ZNF518A: variants seen among roughly 807,000 people sequenced by gnomAD.
The protein encoded by ZNF518A is zinc finger protein 518.
A neutral mutation model predicts 102.7 loss-of-function variants in ZNF518A; 47 were observed. The observed-to-expected ratio is 0.46, with a 90% CI of 0.36 to 0.58. The LOEUF is 0.58. Ranked by LOEUF, ZNF518A falls within the 20% of genes least tolerant of loss-of-function variation. The pLI, the probability that ZNF518A is intolerant of heterozygous loss-of-function variation, is 0.00. For synonymous variants in ZNF518A, 652 were observed against 594.6 expected (o/e 1.10, Z -1.40); for missense variants, 1,793 against 1,699.8 (o/e 1.05, Z -0.96).
chr10:96,163,646 G>A lies in ZNF518A; in HGVS notation c.*2872G>A, dbSNP rs917253448. ...ATAAAGGGTCAGATAAATAAGCTTC[G>A]TAGGCCTTCTAGTTTCTGTCCTAAC... On this transcript the variant is annotated 3_prime_UTR_variant, in exon 6 of 6. Transcript: ENST00000316045. 1 of 166,744 alleles carries A rather than the reference G, an allele frequency of 6.0e-6. No individual in the cohort carries two copies. Among genetic ancestry groups the A allele is most frequent in the Non-Finnish European group, 1.5e-5 (1 of 68,052 alleles). 10.3% of individuals were successfully genotyped at this position (166,744 alleles called of 1,614,324 possible).
intron 1 of ZNF518A, among the ~76,000 whole-genome samples, chr10:96,169,870 A>G (rs11188644): frequency 9.9e-5 from 15 of 152,186 alleles, no homozygotes; most frequent in Non-Finnish European, 2.2e-4. Flanking sequence ...CTGATTTTGT[A>G]ATGCTTGTAT....
At chr10:96,176,609 A>C (rs1210932390) in intron 1 of ZNF518A, among the ~76,000 whole-genome samples, 1 of 152,216 alleles carries the variant, frequency 6.6e-6, no homozygotes, top group East Asian at 1.9e-4. Context: ...ACAAAAAAAC[A>C]AAACAAGGGT....
intron 1 of ZNF518A, among the ~76,000 whole-genome samples, chr10:96,179,668 C>G (rs2083226694): frequency 6.6e-6 from 1 of 152,132 alleles, no homozygotes; most frequent in African/African-American, 2.4e-5. Context: ...ACACAAAACC[C>G]TAACATACAT....
intron 1 of ZNF518A, among the ~76,000 whole-genome samples, chr10:96,202,205 A>C (rs1554896396): frequency 6.6e-6 from 1 of 152,188 alleles, no homozygotes; most frequent in African/African-American, 2.4e-5. Context: ...AGCTGTAATG[A>C]ACATGATAAG....
Position 96,148,353 on chromosome 10 carries a change from T to C in ZNF518A, c.-301-6973T>C, listed in dbSNP as rs186504941. 1.3e-3 allele frequency among the ~76,000 whole-genome samples: 204 copies of C among 152,208 alleles called. 1 individual carries two copies. The highest frequency in any genetic ancestry group is 6.8e-3 in the Middle Eastern group (2 of 294). Reference sequence around the variant, plus strand: ...TACTAGGGAGGCTGAGGCAGGAGAATCGCTTGAACCTGGGAGGTGGAGGTT... The same window carrying C: ...TACTAGGGAGGCTGAGGCAGGAGAACCGCTTGAACCTGGGAGGTGGAGGTT... On this transcript the variant is annotated intron_variant, in intron 3 of 5. Coordinates refer to ENST00000316045, the MANE Select transcript of ZNF518A (RefSeq NM_001330736.2).
At chr10:96,189,786 C>T in intron 1 of ZNF518A, 1 of 892,050 alleles carries the variant, frequency 1.1e-6, no homozygotes, top group South Asian at 1.3e-5. Context: ...CTACCACCTC[C>T]AGGGACAGAT....
Position 96,161,381 on chromosome 10 carries a change from T to G in ZNF518A, c.*607T>G, listed in dbSNP as rs182767617. On this transcript the variant is annotated 3_prime_UTR_variant, in exon 6 of 6. Coordinates refer to ENST00000316045, the MANE Select transcript of ZNF518A (RefSeq NM_001330736.2). Reference sequence around the variant, plus strand: ...TTTGGCAAGTAAATTTTTTTTCCAGTTGAACTCTGTCACTTGTTAGAGATT... The same window carrying G: ...TTTGGCAAGTAAATTTTTTTTCCAGGTGAACTCTGTCACTTGTTAGAGATT... 1.1e-3 allele frequency: 181 copies of G among 167,082 alleles called. No homozygotes were observed. The highest frequency in any genetic ancestry group is 4.4e-5 in the Non-Finnish European group (3 of 68,044). The allele number at this position is 167,082 out of a possible 1,614,324, so 10.3% of individuals were successfully genotyped here. A position where few individuals can be genotyped will look rare whatever the true frequency, so the allele number is the denominator to read the frequency against.
intron 1 of ZNF518A, chr10:96,189,497 TG>T: frequency 1.3e-5 from 8 of 636,566 alleles, no homozygotes; most frequent in South Asian, 1.1e-4. Flanking sequence ...CTTGCATTTT[TG>T]ATTTAATGTC....
At chr10:96,137,284 T>A (rs1182615929) in intron 3 of ZNF518A, among the ~76,000 whole-genome samples, 1 of 152,216 alleles carries the variant, frequency 6.6e-6, no homozygotes, top group African/African-American at 2.4e-5. Flanking sequence ...TTTTACTAGA[T>A]CATTTTAATA....
Position 96,158,997 on chromosome 10 carries a change from C to A in ZNF518A, c.2675C>A (p.Ser892Ter). ...TTTGGCACATTACTTAAGACTCAGT[C>A]AGATGCGATAATAACACAGCAGCTT... ...SGFGTLLKTQ[S>*]DAIITQQLVK... is the part of the protein sequence containing the mutation. The change falls in exon 6 of 6, where the codon TCA becomes TAA. Residue 892 changes from serine (S) to a stop codon, truncating the protein, a stop_gained. Coordinates refer to ENST00000316045, the MANE Select transcript of ZNF518A (RefSeq NM_001330736.2). LOFTEE classifies it high-confidence loss of function. 6.2e-7 allele frequency: 1 copy of A among 1,613,618 alleles called. No homozygotes were observed. Among genetic ancestry groups the A allele is most frequent in the South Asian group, 1.1e-5 (1 of 91,034 alleles).
At chr10:96,186,165 C>A (rs907167670) in intron 1 of ZNF518A, among the ~76,000 whole-genome samples, 7 of 152,174 alleles carry the variant, frequency 4.6e-5, no homozygotes, top group African/African-American at 1.4e-4. Context: ...ATCCCCTGAC[C>A]CCTTGTACTT....
intron 3 of ZNF518A, among the ~76,000 whole-genome samples, chr10:96,144,133 A>C (rs2082064313): frequency 6.6e-6 from 1 of 151,996 alleles, no homozygotes. Context: ...CTACAGGTGC[A>C]TGCCACCATG....
At chr10:96,187,799 G>T (rs1591281829) in intron 1 of ZNF518A, among the ~76,000 whole-genome samples, 1 of 152,252 alleles carries the variant, frequency 6.6e-6, no homozygotes, top group Non-Finnish European at 1.5e-5. Flanking sequence ...AAAACCATTT[G>T]TTTGTCAGCC....
intron 3 of ZNF518A, among the ~76,000 whole-genome samples, chr10:96,146,076 AT>A (rs2082158677): frequency 6.6e-6 from 1 of 152,190 alleles, no homozygotes; most frequent in Admixed American, 6.5e-5. Flanking sequence ...ATTTGAACAA[AT>A]TAAACTCTAT....
chr10:96,203,308 A>C (rs919625625), intron 1 of ZNF518A, among the ~76,000 whole-genome samples: 1 of 152,186 alleles, frequency 6.6e-6, no homozygotes, highest in Admixed American at 6.5e-5. Flanking sequence ...AAAACTAGTA[A>C]AAGTTTCATT....
chr10:96,152,446 A>G (rs781907773), intron 3 of ZNF518A, among the ~76,000 whole-genome samples: 1 of 152,242 alleles, frequency 6.6e-6, no homozygotes, highest in Non-Finnish European at 1.5e-5. Context: ...CGTTCACAAC[A>G]TGCCAACATT....
At chr10:96,163,837 A>C (rs958648641), downstream of ZNF518A, 1 of 166,702 alleles carries the variant, frequency 6.0e-6, no homozygotes, top group Non-Finnish European at 1.5e-5. Context: ...TGCTTTCAGA[A>C]TGGGATTTTT....
At chr10:96,169,102 C>G (rs190092294) in intron 1 of ZNF518A, among the ~76,000 whole-genome samples, 3 of 152,132 alleles carry the variant, frequency 2.0e-5, no homozygotes, top group African/African-American at 7.2e-5. Flanking sequence ...AGTCATAGCT[C>G]ACTGCAGCAT....
intron 1 of ZNF518A, among the ~76,000 whole-genome samples, chr10:96,191,254 T>TTTTA (rs1554893321): frequency 1.4e-5 from 2 of 147,916 alleles, no homozygotes; most frequent in Non-Finnish European, 3.0e-5. Flanking sequence ...TTTTTTTTTT[T>TTTTA]ATGTAAATCA....
Sources: gnomAD v4.1 joint callset for allele counts (sites outside exome capture counted in the v4.1 genomes callset) on GRCh38, gnomAD v4.1.1 for gene constraint, MANE v1.5 for transcripts, NCBI Gene and HGNC (gene_info 2026-07-23, HGNC 2026-07-21) for gene names.